The following ABCA12 variants were observed in gnomAD, a reference collection of about 807,000 sequenced individuals.
The protein encoded by ABCA12 is ATP binding cassette subfamily A member 12.
In ABCA12, 156 loss-of-function variants were observed where a neutral mutation model predicts 293.5. That is an observed-to-expected ratio of 0.53 (90% confidence interval 0.47 to 0.61). The LOEUF is 0.61. ABCA12 is among the 20% of genes least tolerant of loss of function. The probability of loss-of-function intolerance (pLI) is 0.00; values close to 1 mark genes in which losing one functional copy is unlikely to be tolerated. For synonymous variants in ABCA12, 1,063 were observed against 1,108.0 expected, an observed-to-expected ratio of 0.96 and a Z score of 0.81; for missense variants, 2,797 against 3,090.2, an observed-to-expected ratio of 0.91 and a Z score of 2.25.
Position 214,955,284 on chromosome 2 carries a change from C to A in ABCA12, c.6311G>T (p.Cys2104Phe). ...ETGMAFITYV[C>F]VNLFFGINSI... ...ATTAATGCCAAAAAACAAGTTGACA[C>A]AGACGTAAGTGATGAAGGCCATTCC... is the stretch of plus-strand genomic sequence containing the variant. Residue 2104 changes from cysteine (C) to phenylalanine (F), a missense_variant, in exon 43 of 53, where the codon TGT (cysteine) becomes TTT (phenylalanine). By Grantham distance (205) the Cys-to-Phe change is radical. This residue lies in a region of ABCA12 where 2,130 missense variants were observed against 2,427.0 expected (regional missense o/e 0.88). Coordinates refer to ENST00000272895, the MANE Select transcript of ABCA12 (RefSeq NM_173076.3). The A allele has an allele frequency of 6.2e-7, 1 of 1,614,114 alleles. No individual in the cohort carries two copies. Among genetic ancestry groups the A allele is most frequent in the East Asian group, 2.2e-5 (1 of 44,868 alleles).
chr2:214,955,258 A>T lies in ABCA12; in HGVS notation c.6337T>A (p.Ser2113Thr). Residue 2113 changes from serine to threonine, a missense_variant, in exon 43 of 53, where the codon TCC (serine) becomes ACC (threonine). Ser to Thr is a moderately conservative substitution (Grantham distance 58, BLOSUM62 1). Transcript: ENST00000272895. Reference sequence around the variant, plus strand: ...TATACCACTGACAGGGAAACAATGGAATTAATGCCAAAAAACAAGTTGACA... The same window carrying T: ...TATACCACTGACAGGGAAACAATGGTATTAATGCCAAAAAACAAGTTGACA... ...VCVNLFFGIN[S>T]IVSLSVVYFL... is the part of the protein sequence containing the mutation. 6.2e-7 allele frequency: 1 copy of T among 1,614,168 alleles called. No individual in the cohort carries two copies.
At position 215,011,515 on chromosome 2, in the gene ABCA12, G is replaced by T; in HGVS notation, c.2256C>A (p.Asn752Lys). 1 of 1,613,970 alleles carries T rather than the reference G, an allele frequency of 6.2e-7. No individual in the cohort carries two copies. The highest frequency in any genetic ancestry group is 1.1e-5 in the South Asian group (1 of 91,070). The change falls in exon 17 of 53, where the codon AAC (asparagine) becomes AAA (lysine). Residue 752 changes from asparagine (N) to lysine (K), a missense_variant. Physicochemically the swap from Asn to Lys is moderately conservative, Grantham distance 94. Coordinates refer to ENST00000272895, the MANE Select transcript of ABCA12 (RefSeq NM_173076.3). ...MLPSSQRPKG[N>K]HTKDFLTYKL... Reference sequence around the variant, plus strand: ...TATAAGTCAAAAAATCCTTGGTGTGGTTGCCTTTTGGCCTCTGGGAAGAGG... The same window carrying T: ...TATAAGTCAAAAAATCCTTGGTGTGTTTGCCTTTTGGCCTCTGGGAAGAGG...
intron 7 of ABCA12, among the ~76,000 whole-genome samples, chr2:215,039,782 A>G (rs546587258): frequency 1.3e-4 from 19 of 149,734 alleles, no homozygotes; most frequent in African/African-American, 2.3e-4. Flanking sequence ...AAATAAATAA[A>G]TAAGTAAAAA....
intron 20 of ABCA12, among the ~76,000 whole-genome samples, chr2:215,003,359 C>T (rs1385076343): frequency 2.6e-5 from 4 of 152,132 alleles, no homozygotes; most frequent in East Asian, 1.9e-4. Flanking sequence ...TCCTTTTAAA[C>T]GACCATGTGA....
chr2:214,975,003 C>T, intron 34 of ABCA12, 139 bp from the exon 35 acceptor site: 1 of 777,314 alleles, frequency 1.3e-6, no homozygotes, highest in Non-Finnish European at 2.1e-6. Flanking sequence ...TGCCGTGTTG[C>T]CCAGGCTGGA....
At chr2:215,093,428 C>T (rs927719417) in intron 2 of ABCA12, among the ~76,000 whole-genome samples, 2 of 152,194 alleles carry the variant, frequency 1.3e-5, no homozygotes, top group South Asian at 4.1e-4. Flanking sequence ...TTAAAAACAG[C>T]CCTAGAAGCT....
intron 49 of ABCA12, among the ~76,000 whole-genome samples, chr2:214,944,041 G>A (rs1236026530): frequency 2.6e-5 from 4 of 152,214 alleles, no homozygotes; most frequent in South Asian, 2.1e-4. Flanking sequence ...GATTGGAAGT[G>A]TCTGCTTTGT....
At chr2:215,084,402 C>A (rs1702000767) in intron 2 of ABCA12, among the ~76,000 whole-genome samples, 1 of 152,174 alleles carries the variant, frequency 6.6e-6, no homozygotes, top group Non-Finnish European at 1.5e-5. Context: ...ATCTGAGTCA[C>A]AACAGTTGAT....
chr2:215,011,516 T>C lies in ABCA12; in HGVS notation c.2255A>G (p.Asn752Ser). The change falls in exon 17 of 53, where the codon AAC (asparagine) becomes AGC (serine). Residue 752 changes from asparagine to serine, a missense_variant. Asn to Ser is a conservative substitution (Grantham distance 46, BLOSUM62 1). Transcript: ENST00000272895. ...ATAAGTCAAAAAATCCTTGGTGTGG[T>C]TGCCTTTTGGCCTCTGGGAAGAGGG... ...MLPSSQRPKG[N>S]HTKDFLTYKL... 6.2e-7 allele frequency: 1 copy of C among 1,614,104 alleles called. No homozygotes were observed. Among genetic ancestry groups the C allele is most frequent in the Non-Finnish European group, 8.5e-7 (1 of 1,179,934 alleles).
At chr2:214,947,686 A>G in intron 47 of ABCA12, 130 bp from the exon 48 acceptor site, 1 of 1,005,984 alleles carries the variant, frequency 9.9e-7, no homozygotes, top group South Asian at 1.5e-5. Flanking sequence ...AAAAAATGAA[A>G]ACACTTAAAT....
chr2:215,063,969 A>G (rs1701587167), intron 3 of ABCA12, 97 bp downstream of exon 3: 1 of 1,513,564 alleles, frequency 6.6e-7, no homozygotes, highest in South Asian at 1.1e-5. Flanking sequence ...AGAAAACAAA[A>G]TTGCATATCT....
At chr2:215,055,088 A>C (rs1701393746) in intron 3 of ABCA12, among the ~76,000 whole-genome samples, 2 of 152,104 alleles carry the variant, frequency 1.3e-5, no homozygotes, top group African/African-American at 4.8e-5. Flanking sequence ...TTCTATGTTA[A>C]ATTATAGATG....
intron 2 of ABCA12, among the ~76,000 whole-genome samples, chr2:215,073,874 C>T (rs556946100): frequency 6.6e-6 from 1 of 152,218 alleles, no homozygotes; most frequent in South Asian, 2.1e-4. Flanking sequence ...GGGGAAGCAT[C>T]GGGGATTCCT....
At chr2:214,994,342 A>T (rs1036911848) in intron 23 of ABCA12, among the ~76,000 whole-genome samples, 3 of 152,186 alleles carry the variant, frequency 2.0e-5, no homozygotes, top group Admixed American at 6.5e-5. Context: ...AGAGCAATTC[A>T]TCAATATCTG....
At chr2:214,947,289 T>C (rs1698613250) in intron 48 of ABCA12, 133 bp downstream of exon 48, 4 of 1,295,842 alleles carry the variant, frequency 3.1e-6, no homozygotes, top group Non-Finnish European at 4.4e-6. Flanking sequence ...CATAAAGTGC[T>C]TTGCACAATA....
At chr2:215,068,006 T>C (rs898652208) in intron 2 of ABCA12, among the ~76,000 whole-genome samples, 45 of 152,220 alleles carry the variant, frequency 3.0e-4, no homozygotes, top group African/African-American at 1.0e-3. Flanking sequence ...ATGTAATGTT[T>C]ACCTCAAAGG....
chr2:215,063,775 G>T (rs1428254594), intron 3 of ABCA12, among the ~76,000 whole-genome samples: 1 of 151,898 alleles, frequency 6.6e-6, no homozygotes, highest in African/African-American at 2.4e-5. Flanking sequence ...ATGTGTCACT[G>T]ATAATTTAAG....
At chr2:214,957,141 C>A (rs556437797) in intron 41 of ABCA12, among the ~76,000 whole-genome samples, 5 of 152,104 alleles carry the variant, frequency 3.3e-5, no homozygotes, top group African/African-American at 9.7e-5. Flanking sequence ...GTATTGATTT[C>A]GTTTTGAATG....
At chr2:214,976,218 T>G (rs1201246407) in intron 33 of ABCA12, among the ~76,000 whole-genome samples, 181 bp from the exon 34 acceptor site, 2 of 152,244 alleles carry the variant, frequency 1.3e-5, no homozygotes, top group Admixed American at 6.5e-5. Context: ...TTGGGAAAAC[T>G]GAGAACTATA....
Sources: allele counts gnomAD v4.1 joint callset (sites outside exome capture counted in the v4.1 genomes callset), GRCh38; gene constraint gnomAD v4.1.1; regional missense constraint gnomAD v4.1.1; transcripts MANE v1.5; gene names NCBI Gene and HGNC (gene_info 2026-07-23, HGNC 2026-07-21).